The following ITGB5 variants were observed in gnomAD, a reference collection of about 807,000 sequenced individuals.
ITGB5 encodes integrin beta-5.
Under a neutral mutation model 84.8 loss-of-function variants are expected in ITGB5, and 38 were observed. That is an observed-to-expected ratio of 0.45 (90% CI 0.35 to 0.59). The LOEUF (loss-of-function observed/expected upper bound fraction) is 0.59. Ranked by LOEUF, ITGB5 falls within the 20% of genes least tolerant of loss-of-function variation. The probability of loss-of-function intolerance (pLI) is 0.01; values close to 1 mark genes in which losing one functional copy is unlikely to be tolerated. For synonymous variants in ITGB5, 393 were observed against 414.4 expected, an observed-to-expected ratio of 0.95 and a Z score of 0.63; for missense variants, 905 against 1,034.5, an observed-to-expected ratio of 0.87 and a Z score of 1.72.
Position 124,763,442 on chromosome 3 carries a change from C to T in ITGB5, c.*181G>A, listed in dbSNP as rs2063721179. The T allele has an allele frequency of 2.0e-6, 1 of 497,590 alleles. No individual in the cohort carries two copies. Among genetic ancestry groups the T allele is most frequent in the Non-Finnish European group, 3.6e-6 (1 of 276,468 alleles). 30.8% of individuals were successfully genotyped at this position (497,590 alleles called of 1,614,324 possible). A position where few individuals can be genotyped will look rare whatever the true frequency, so the allele number is the denominator to read the frequency against. On this transcript the variant is annotated 3_prime_UTR_variant, in exon 15 of 15. Transcript: ENST00000296181. ...GCCTGGCATGGCTCTGGCCTAGCAGCCAGGTGACATGGCCAGGCACCTTCC... is the reference window on the plus strand; with the variant it reads ...GCCTGGCATGGCTCTGGCCTAGCAGTCAGGTGACATGGCCAGGCACCTTCC...
At chr3:124,887,799 C>T (rs944322652), upstream of ITGB5, 1 of 333,258 alleles carries the variant, frequency 3.0e-6, no homozygotes, top group African/African-American at 2.2e-5. Flanking sequence ...GCCTCACTGC[C>T]GGCGGCCTGA....
In ITGB5 at chr3:124,858,463, T is replaced by C. The variant is rs188199318; in HGVS notation, c.361+779A>G. Among the ~76,000 whole-genome samples, 106 of 152,288 alleles carry C rather than the reference T, an allele frequency of 7.0e-4. No homozygotes were observed. The Middle Eastern group carries it at 0.017, about 24-fold the overall frequency. On this transcript the variant is annotated intron_variant, in intron 3 of 14. Transcript: ENST00000296181. ...CCTCCTAGAATAAACCACAGCATTA[T>C]TCACAAGAGCCAAAAGTTGAAGACA...
At chr3:124,819,631 C>T in intron 7 of ITGB5, 108 bp downstream of exon 7, 1 of 800,390 alleles carries the variant, frequency 1.2e-6, no homozygotes, top group South Asian at 1.4e-5. Context: ...CAAGACTGGG[C>T]TATATTCCAC....
In ITGB5 at chr3:124,796,811, A is replaced by T. The variant is rs1352175116; in HGVS notation, c.1270T>A (p.Phe424Ile). The change falls in exon 10 of 15, where the codon TTT becomes ATT. Residue 424 changes from phenylalanine to isoleucine, a missense_variant. Transcript: ENST00000296181. Reference sequence around the variant, plus strand: ...CTTCGGGCCTCCAATGATACTTCAAAAGATGCCTGGGCAGAAGGAAGAGAA... The same window carrying T: ...CTTCGGGCCTCCAATGATACTTCAATAGATGCCTGGGCAGAAGGAAGAGAA... ...EGLKIGDTAS[F>I]EVSLEARSCP... is the part of the protein sequence containing the mutation. 1 of 1,598,990 alleles carries T rather than the reference A, an allele frequency of 6.3e-7. No individual in the cohort carries two copies. Among genetic ancestry groups the T allele is most frequent in the African/African-American group, 1.3e-5 (1 of 74,662 alleles).
chr3:124,822,919 A>T (rs1335963921), intron 5 of ITGB5, among the ~76,000 whole-genome samples: 1 of 152,148 alleles, frequency 6.6e-6, no homozygotes, highest in Admixed American at 6.5e-5. Flanking sequence ...GAGGCTTCCC[A>T]GCGCAGACGA....
At chr3:124,897,169 C>T (rs1055454109) in intron 1 of ITGB5, among the ~76,000 whole-genome samples, 1 of 152,190 alleles carries the variant, frequency 6.6e-6, no homozygotes, top group Admixed American at 6.5e-5. Flanking sequence ...ATACCCCGCT[C>T]AAATGTTGCT....
intron 2 of ITGB5, among the ~76,000 whole-genome samples, chr3:124,864,873 A>C (rs1383487919): frequency 2.9e-4 from 44 of 152,198 alleles, no homozygotes; most frequent in Admixed American, 2.9e-3. Flanking sequence ...AGCAAGTTCC[A>C]AGGGGAAGGG....
At chr3:124,772,426 TGCAGGC>T (rs1214373295) in intron 11 of ITGB5, among the ~76,000 whole-genome samples, 1 of 152,174 alleles carries the variant, frequency 6.6e-6, no homozygotes, top group African/African-American at 2.4e-5. Flanking sequence ...CAGCAGCCGC[TGCAGGC>T]GCAGGGAGCA....
At chr3:124,877,897 G>A (rs1253217783) in intron 1 of ITGB5, among the ~76,000 whole-genome samples, 1 of 152,122 alleles carries the variant, frequency 6.6e-6, no homozygotes, top group Non-Finnish European at 1.5e-5. Flanking sequence ...AAGCTGGACT[G>A]CAGGGGCATG....
intron 1 of ITGB5, among the ~76,000 whole-genome samples, chr3:124,895,506 A>G (rs1198980947): frequency 6.6e-6 from 1 of 152,218 alleles, no homozygotes; most frequent in Non-Finnish European, 1.5e-5. Context: ...GATTACAGGC[A>G]TGAACCATCA....
At chr3:124,822,299 T>C (rs1289623026) in intron 5 of ITGB5, among the ~76,000 whole-genome samples, 4 of 152,198 alleles carry the variant, frequency 2.6e-5, no homozygotes, top group South Asian at 2.1e-4. Flanking sequence ...GTCGCCTTCA[T>C]AGTAATGGTG....
intron 10 of ITGB5, among the ~76,000 whole-genome samples, chr3:124,782,578 C>T (rs933892570): frequency 2.0e-5 from 3 of 152,198 alleles, no homozygotes; most frequent in Non-Finnish European, 4.4e-5. Flanking sequence ...TGGTTGTGGG[C>T]TGGGCACGGT....
rs1490484544 is a variant in ITGB5 at position 124,762,957 on chromosome 3, AAC to A, written c.*664_*665del. ...AGAAACACACAGAGAGTATCAGACA[AAC>A]ACAAATTCTTTTGGTTTTAATCTTT... On this transcript the variant is annotated 3_prime_UTR_variant, in exon 15 of 15. Coordinates refer to ENST00000296181, the MANE Select transcript of ITGB5 (RefSeq NM_002213.5). 2.0e-5 allele frequency: 3 copies of A among 152,276 alleles called. No individual in the cohort carries two copies. The highest frequency in any genetic ancestry group is 7.2e-5 in the African/African-American group (3 of 41,462). The allele number at this position is 152,276 out of a possible 1,614,324, so 9.4% of individuals were successfully genotyped here.
At chr3:124,777,811 G>A (rs1045296685) in intron 10 of ITGB5, among the ~76,000 whole-genome samples, 1 of 152,214 alleles carries the variant, frequency 6.6e-6, no homozygotes, top group Non-Finnish European at 1.5e-5. Context: ...ACATAGGCCT[G>A]GTCACATTTT....
chr3:124,897,798 G>T (rs1049201061), intron 1 of ITGB5, among the ~76,000 whole-genome samples: 1 of 152,196 alleles, frequency 6.6e-6, no homozygotes, highest in Non-Finnish European at 1.5e-5. Flanking sequence ...AAAGGATAAG[G>T]AAATTTTGTA....
At chr3:124,837,192 T>C (rs945033166) in intron 5 of ITGB5, among the ~76,000 whole-genome samples, 3 of 152,226 alleles carry the variant, frequency 2.0e-5, no homozygotes, top group Admixed American at 6.5e-5. Flanking sequence ...GCTCACCCTC[T>C]GTCCTCCCTA....
intron 4 of ITGB5, among the ~76,000 whole-genome samples, chr3:124,842,493 G>A (rs2065023902): frequency 6.6e-6 from 1 of 152,200 alleles, no homozygotes; most frequent in African/African-American, 2.4e-5. Flanking sequence ...CCAGAGAAGA[G>A]CATGTGCAAG....
chr3:124,871,358 C>G (rs1934039192), intron 2 of ITGB5, among the ~76,000 whole-genome samples: 2 of 152,140 alleles, frequency 1.3e-5, no homozygotes, highest in South Asian at 4.1e-4. Flanking sequence ...CCACGCCTGG[C>G]TAATTTTTTG....
intron 1 of ITGB5, among the ~76,000 whole-genome samples, chr3:124,875,889 GCACAGAAAGA>G (rs1246250156): frequency 6.6e-6 from 1 of 152,156 alleles, no homozygotes; most frequent in Non-Finnish European, 1.5e-5. Flanking sequence ...ATTAAGCGAG[GCACAGAAAGA>G]CATACTGCAT....
Sources: allele counts gnomAD v4.1 joint callset (sites outside exome capture counted in the v4.1 genomes callset), GRCh38; gene constraint gnomAD v4.1.1; transcripts MANE v1.5; gene names NCBI Gene and HGNC (gene_info 2026-07-23, HGNC 2026-07-21).